KHDRBS2: variants seen among roughly 807,000 people sequenced by gnomAD.
The protein encoded by KHDRBS2 is KH RNA binding domain containing, signal transduction associated 2, also known as KH domain-containing, RNA-binding, signal transduction-associated protein 2.
Under a neutral mutation model 44.3 loss-of-function variants are expected in KHDRBS2, and 26 were observed. The ratio of observed to expected loss-of-function variants is 0.59; its 90% CI spans 0.43 to 0.81. The LOEUF (loss-of-function observed/expected upper bound fraction) is 0.81. Among genes scored for constraint, KHDRBS2 ranks in the 40% least tolerant of loss-of-function variants. The pLI is 0.00. For missense variants in KHDRBS2, 476 were observed against 433.1 expected (o/e 1.10, Z -0.88); for synonymous variants, 194 against 151.1 (o/e 1.28, Z -2.08).
At chr6:61,946,100 A>G (rs1292710889) in intron 4 of KHDRBS2, among the ~76,000 whole-genome samples, 1 of 152,206 alleles carries the variant, frequency 6.6e-6, no homozygotes, top group Non-Finnish European at 1.5e-5. Flanking sequence ...AGAACTGGGA[A>G]ATAAACTGCA....
intron 7 of KHDRBS2, among the ~76,000 whole-genome samples, chr6:61,731,563 T>C (rs913773344): frequency 6.6e-6 from 1 of 152,100 alleles, no homozygotes; most frequent in African/African-American, 2.4e-5. Context: ...ACATGTAGAT[T>C]TATTCTAAAC....
At chr6:61,872,724 C>T (rs1433019767) in intron 6 of KHDRBS2, among the ~76,000 whole-genome samples, 1 of 151,656 alleles carries the variant, frequency 6.6e-6, no homozygotes, top group Non-Finnish European at 1.5e-5. Context: ...AAAACAAGAC[C>T]AAGGTAAGCT....
chr6:62,221,891 A>G (rs1563087090), intron 1 of KHDRBS2, among the ~76,000 whole-genome samples: 2 of 152,158 alleles, frequency 1.3e-5, no homozygotes, highest in South Asian at 2.1e-4. Flanking sequence ...ACCCTAAACT[A>G]AAAACTAATT....
intron 6 of KHDRBS2, among the ~76,000 whole-genome samples, chr6:61,762,417 A>T (rs1244329044): frequency 6.6e-6 from 1 of 152,174 alleles, no homozygotes; most frequent in Admixed American, 6.5e-5. Flanking sequence ...ATAGGGTCTA[A>T]TGGGAGGTGT....
chr6:62,183,565 G>T (rs1210861774), intron 1 of KHDRBS2, among the ~76,000 whole-genome samples: 1 of 151,518 alleles, frequency 6.6e-6, no homozygotes, highest in Non-Finnish European at 1.5e-5. Flanking sequence ...TGTGCAAAAA[G>T]AAGTTTCTAG....
intron 8 of KHDRBS2, among the ~76,000 whole-genome samples, chr6:61,696,430 T>C (rs1767913094): frequency 6.6e-6 from 1 of 151,820 alleles, no homozygotes; most frequent in Non-Finnish European, 1.5e-5. Flanking sequence ...TAATTTGTTT[T>C]GTATTTTTGG....
At chr6:61,799,680 A>T (rs1200212281) in intron 6 of KHDRBS2, among the ~76,000 whole-genome samples, 1 of 151,966 alleles carries the variant, frequency 6.6e-6, no homozygotes, top group African/African-American at 2.4e-5. Context: ...TATATATATA[A>T]TGTTATATTC....
intron 6 of KHDRBS2, among the ~76,000 whole-genome samples, chr6:61,775,488 T>A (rs985126646): frequency 7.2e-5 from 11 of 152,158 alleles, no homozygotes; most frequent in African/African-American, 2.2e-4. Flanking sequence ...AGCATTCTTA[T>A]ACAGCAATAA....
intron 2 of KHDRBS2, among the ~76,000 whole-genome samples, chr6:62,161,663 A>G (rs1343497684): frequency 6.9e-6 from 1 of 145,850 alleles, no homozygotes; most frequent in Non-Finnish European, 1.5e-5. Context: ...TCATTTTGCT[A>G]CTTGTTTTCT....
intron 6 of KHDRBS2, among the ~76,000 whole-genome samples, chr6:61,742,697 A>T (rs1776312623): frequency 6.6e-6 from 1 of 152,048 alleles, no homozygotes; most frequent in Non-Finnish European, 1.5e-5. Flanking sequence ...GCAACATGGG[A>T]AGTCATTATG....
At chr6:62,126,452 T>C (rs1318137793) in intron 2 of KHDRBS2, among the ~76,000 whole-genome samples, 5 of 152,206 alleles carry the variant, frequency 3.3e-5, no homozygotes, top group African/African-American at 1.2e-4. Flanking sequence ...GTTCACCACC[T>C]GCTGATTGTA....
At chr6:61,619,641 A>AC in the KHDRBS2 span, among the ~76,000 whole-genome samples, 1 of 151,992 alleles carries the variant, frequency 6.6e-6, no homozygotes, top group Non-Finnish European at 1.5e-5. Context: ...TTCAGTAGAG[A>AC]AGGGGTTTCT....
chr6:61,778,237 T>C (rs1338455847), intron 6 of KHDRBS2, among the ~76,000 whole-genome samples: 1 of 152,184 alleles, frequency 6.6e-6, no homozygotes, highest in East Asian at 1.9e-4. Flanking sequence ...TTCGTTTAAC[T>C]CCGTGGATGA....
At chr6:61,597,794 G>A in the KHDRBS2 span, among the ~76,000 whole-genome samples, 2 of 87,274 alleles carry the variant, frequency 2.3e-5, no homozygotes, top group East Asian at 3.7e-4. Flanking sequence ...TATTGCCACC[G>A]GGAAAAGAAG....
chr6:61,690,817 C>G (rs1767322224), intron 8 of KHDRBS2, among the ~76,000 whole-genome samples: 1 of 151,876 alleles, frequency 6.6e-6, no homozygotes, highest in African/African-American at 2.4e-5. Context: ...GAAGCAGATA[C>G]TGATAGGAAA....
At chr6:61,791,017 T>C (rs573206990) in intron 6 of KHDRBS2, among the ~76,000 whole-genome samples, 2 of 151,672 alleles carry the variant, frequency 1.3e-5, no homozygotes, top group Admixed American at 1.3e-4. Context: ...TGGAAATTTG[T>C]TCATTTAATC....
downstream of KHDRBS2, among the ~76,000 whole-genome samples, chr6:61,679,519 T>A (rs902878788): frequency 6.6e-6 from 1 of 151,954 alleles, no homozygotes; most frequent in Non-Finnish European, 1.5e-5. Context: ...CGTTTAGTCA[T>A]CCTTTGAGTC....
intron 1 of KHDRBS2, among the ~76,000 whole-genome samples, chr6:62,224,706 G>T (rs1831472275): frequency 6.6e-6 from 1 of 152,160 alleles, no homozygotes; most frequent in Middle Eastern, 3.2e-3. Flanking sequence ...AAGTGTTAAA[G>T]AGCACAGTGT....
At chr6:62,095,625 A>G (rs1800425004) in intron 2 of KHDRBS2, among the ~76,000 whole-genome samples, 1 of 151,914 alleles carries the variant, frequency 6.6e-6, no homozygotes, top group South Asian at 2.1e-4. Flanking sequence ...CCCCATCATT[A>G]AGGGACATAT....
Sources: gnomAD v4.1 joint callset for allele counts (sites outside exome capture counted in the v4.1 genomes callset) on GRCh38, gnomAD v4.1.1 for gene constraint, MANE v1.5 for transcripts, NCBI Gene and HGNC (gene_info 2026-07-23, HGNC 2026-07-21) for gene names.